The following SPSB4 variants were observed in gnomAD, a reference collection of about 807,000 sequenced individuals.
SPSB4 encodes the protein SPRY domain-containing SOCS box protein 4.
In SPSB4, 21 loss-of-function variants were observed where a neutral mutation model predicts 20.9. The observed-to-expected ratio is 1.01, with a 90% confidence interval of 0.71 to 1.45. The LOEUF is 1.45. Among genes scored for constraint, SPSB4 ranks in the 40% most tolerant of loss-of-function variants. SPSB4 has a pLI of 0.00. For missense variants in SPSB4, 399 were observed against 399.2 expected, an observed-to-expected ratio of 1.00 and a Z score of 0.00; for synonymous variants, 207 against 183.8, an observed-to-expected ratio of 1.13 and a Z score of -1.02.
At chr3:141,142,229 T>G (rs978973332) in intron 2 of SPSB4, among the ~76,000 whole-genome samples, 1 of 152,344 alleles carries the variant, frequency 6.6e-6, no homozygotes, top group East Asian at 1.9e-4. Flanking sequence ...AAGAGGTTTT[T>G]GTAAGTTGTG....
At chr3:141,104,763 C>T (rs796124252) in intron 2 of SPSB4, among the ~76,000 whole-genome samples, 36 of 152,322 alleles carry the variant, frequency 2.4e-4, no homozygotes, top group African/African-American at 8.4e-4. Context: ...CGAAACCAGC[C>T]AAATATTTTC....
intron 2 of SPSB4, among the ~76,000 whole-genome samples, chr3:141,068,398 T>C (rs1937930832): frequency 6.6e-6 from 1 of 152,230 alleles, no homozygotes; most frequent in Non-Finnish European, 1.5e-5. Flanking sequence ...TGAGACATAG[T>C]GACCAGGCAA....
intron 2 of SPSB4, among the ~76,000 whole-genome samples, chr3:141,136,792 C>A (rs1457800035): frequency 6.6e-6 from 1 of 152,164 alleles, no homozygotes; most frequent in African/African-American, 2.4e-5. Context: ...CAGCTTTGTT[C>A]TGTTGGCTTA....
At chr3:141,055,094 G>T (rs1161721645) in intron 1 of SPSB4, among the ~76,000 whole-genome samples, 2 of 152,242 alleles carry the variant, frequency 1.3e-5, no homozygotes, top group Non-Finnish European at 2.9e-5. Flanking sequence ...GGAGATAAAG[G>T]CTGGTTGGGC....
intron 2 of SPSB4, among the ~76,000 whole-genome samples, 165 bp downstream of exon 2, chr3:141,066,963 C>A (rs1937898718): frequency 6.6e-6 from 1 of 152,188 alleles, no homozygotes; most frequent in African/African-American, 2.4e-5. Context: ...TGATTTGGGG[C>A]TGTGCCTTAG....
intron 2 of SPSB4, among the ~76,000 whole-genome samples, chr3:141,074,128 G>A (rs2107783135): frequency 6.6e-6 from 1 of 152,236 alleles, no homozygotes; most frequent in East Asian, 1.9e-4. Flanking sequence ...GCATGGTCTT[G>A]TGGGAAGAGC....
At chr3:141,109,872 G>C (rs557700296) in intron 2 of SPSB4, among the ~76,000 whole-genome samples, 2 of 152,204 alleles carry the variant, frequency 1.3e-5, no homozygotes, top group Non-Finnish European at 2.9e-5. Flanking sequence ...CGGCCTGTGA[G>C]AGAGCCCAGG....
chr3:141,105,054 T>C (rs746966096), intron 2 of SPSB4, among the ~76,000 whole-genome samples: 1 of 151,952 alleles, frequency 6.6e-6, no homozygotes, highest in African/African-American at 2.4e-5. Flanking sequence ...GCGGATGGAG[T>C]CAGATGAATG....
intron 2 of SPSB4, among the ~76,000 whole-genome samples, chr3:141,145,720 C>G (rs915008165): frequency 1.3e-5 from 2 of 152,162 alleles, no homozygotes; most frequent in African/African-American, 4.8e-5. Flanking sequence ...CTGGGGAAAC[C>G]AGGCCTGTAC....
intron 2 of SPSB4, among the ~76,000 whole-genome samples, chr3:141,075,687 C>T (rs1041225551): frequency 2.0e-5 from 3 of 152,044 alleles, no homozygotes; most frequent in African/African-American, 7.2e-5. Flanking sequence ...CCAATCACAG[C>T]TTATCCCCAC....
intron 2 of SPSB4, among the ~76,000 whole-genome samples, chr3:141,083,164 G>C (rs973730103): frequency 2.0e-5 from 3 of 152,184 alleles, no homozygotes; most frequent in African/African-American, 7.2e-5. Flanking sequence ...TGAGCTGTGT[G>C]ACCTGTGTCC....
At chr3:141,069,591 T>C (rs1040719014) in intron 2 of SPSB4, among the ~76,000 whole-genome samples, 3 of 152,140 alleles carry the variant, frequency 2.0e-5, no homozygotes, top group Non-Finnish European at 4.4e-5. Context: ...CACAGGATCA[T>C]AGGAGGAGAG....
At chr3:141,112,850 A>G (rs1372701734) in intron 2 of SPSB4, among the ~76,000 whole-genome samples, 1 of 151,902 alleles carries the variant, frequency 6.6e-6, no homozygotes, top group African/African-American at 2.4e-5. Context: ...GGCCTCAAGG[A>G]GCTTTCCAGG....
chr3:141,099,341 T>A (rs1938585441), intron 2 of SPSB4, among the ~76,000 whole-genome samples: 1 of 152,174 alleles, frequency 6.6e-6, no homozygotes, highest in African/African-American at 2.4e-5. Context: ...CATGCCACCA[T>A]GCCCGGCTAA....
At chr3:141,099,149 G>A (rs547861011) in intron 2 of SPSB4, among the ~76,000 whole-genome samples, 1 of 151,848 alleles carries the variant, frequency 6.6e-6, no homozygotes, top group South Asian at 2.1e-4. Flanking sequence ...ATGAGTTTTA[G>A]TGGGACATTT....
chr3:141,119,283 T>C (rs1417772544), intron 2 of SPSB4, among the ~76,000 whole-genome samples: 1 of 152,224 alleles, frequency 6.6e-6, no homozygotes, highest in East Asian at 1.9e-4. Context: ...ATGATTTGGC[T>C]CTCTGTTTGT....
chr3:141,124,851 T>C (rs1238381832), intron 2 of SPSB4, among the ~76,000 whole-genome samples: 3 of 152,110 alleles, frequency 2.0e-5, no homozygotes, highest in Non-Finnish European at 4.4e-5. Context: ...TTAGAATCAC[T>C]CAGATCATGT....
intron 1 of SPSB4, among the ~76,000 whole-genome samples, chr3:141,053,655 C>T (rs1014169021): frequency 4.0e-5 from 6 of 151,642 alleles, no homozygotes; most frequent in Non-Finnish European, 7.4e-5. Context: ...TTCATACATG[C>T]GAAATAAAAT....
chr3:141,068,239 C>T (rs192738202), intron 2 of SPSB4, among the ~76,000 whole-genome samples: 65 of 152,290 alleles, frequency 4.3e-4, no homozygotes, highest in African/African-American at 1.5e-3. Flanking sequence ...ATTTTATTTC[C>T]GTGGTTGTTG....
Sources: allele counts gnomAD v4.1 joint callset (sites outside exome capture counted in the v4.1 genomes callset), GRCh38; gene constraint gnomAD v4.1.1; transcripts MANE v1.5; gene names NCBI Gene and HGNC (gene_info 2026-07-23, HGNC 2026-07-21).